RIMS1: variants seen among roughly 807,000 people sequenced by gnomAD.
RIMS1 encodes regulating synaptic membrane exocytosis protein 1.
A neutral mutation model predicts 214.1 loss-of-function variants in RIMS1; 83 were observed. The ratio of observed to expected loss-of-function variants is 0.39; its 90% CI spans 0.32 to 0.47. The LOEUF (loss-of-function observed/expected upper bound fraction) is 0.47, where lower values mean the gene tolerates loss of function less well. RIMS1 is among the 20% of genes least tolerant of loss of function. The pLI, the probability that RIMS1 is intolerant of heterozygous loss-of-function variation, is 0.99. For missense variants in RIMS1, 2,050 were observed against 2,161.8 expected, an observed-to-expected ratio of 0.95 and a Z score of 1.03; for synonymous variants, 793 against 786.8, an observed-to-expected ratio of 1.01 and a Z score of -0.13.
chr6:72,276,285 T>G (rs1271164865), intron 23 of RIMS1, among the ~76,000 whole-genome samples: 1 of 152,176 alleles, frequency 6.6e-6, no homozygotes, highest in East Asian at 1.9e-4. Flanking sequence ...CCAAAACAAA[T>G]AAAATAGTAG....
At chr6:72,357,691 T>A (rs1381366867) in intron 29 of RIMS1, among the ~76,000 whole-genome samples, 1 of 152,212 alleles carries the variant, frequency 6.6e-6, no homozygotes. Flanking sequence ...AACAGTGACT[T>A]TAATCAAATC....
intron 1 of RIMS1, among the ~76,000 whole-genome samples, chr6:71,889,389 G>A (rs936806982): frequency 6.6e-5 from 10 of 152,152 alleles, no homozygotes; most frequent in Admixed American, 2.6e-4. Flanking sequence ...CATCTTTTCC[G>A]CTGCTTTTCC....
chr6:72,341,466 A>T (rs557308412), intron 29 of RIMS1, among the ~76,000 whole-genome samples: 1 of 151,960 alleles, frequency 6.6e-6, no homozygotes, highest in South Asian at 2.1e-4. Context: ...ATGATTTCTA[A>T]TAGAACTTTT....
chr6:72,279,382 C>T (rs1359123294), intron 23 of RIMS1, among the ~76,000 whole-genome samples: 1 of 151,934 alleles, frequency 6.6e-6, no homozygotes, highest in African/African-American at 2.4e-5. Context: ...AAAATAATTG[C>T]TTTTATACCT....
chr6:72,127,927 T>A (rs1005906456), intron 4 of RIMS1, among the ~76,000 whole-genome samples: 3 of 152,102 alleles, frequency 2.0e-5, no homozygotes, highest in African/African-American at 7.2e-5. Flanking sequence ...AAATAACTAA[T>A]CCTCTAGTAA....
intron 2 of RIMS1, among the ~76,000 whole-genome samples, chr6:72,022,951 C>T (rs1157198211): frequency 2.0e-5 from 3 of 152,136 alleles, no homozygotes; most frequent in African/African-American, 7.2e-5. Flanking sequence ...ACATTAAACA[C>T]ACACATCCAG....
chr6:72,000,792 C>A (rs966799088), intron 2 of RIMS1, among the ~76,000 whole-genome samples: 1 of 152,134 alleles, frequency 6.6e-6, no homozygotes, highest in Non-Finnish European at 1.5e-5. Context: ...ATAGTCCTAT[C>A]TTTTATGAAA....
rs2048511941 is a variant in RIMS1 at position 72,182,305 on chromosome 6, C to T, written c.834C>T (p.Ser278=). ...ATAGAAAGAAGACCCCAGGGCTTTC[C>T]GAGCAGAATGGCAAAGGAGCCCTGA... ...PRERKKTPGL[S]EQNGKGALKS... The change falls in exon 6 of 34, where the codon TCC becomes TCT. Residue 278 remains serine (S), a synonymous_variant. Transcript: ENST00000521978. The T allele has an allele frequency of 2.5e-6, 4 of 1,597,868 alleles. No individual in the cohort carries two copies. The highest frequency in any genetic ancestry group is 2.2e-5 in the East Asian group (1 of 44,716).
chr6:72,124,662 G>A lies in RIMS1; in HGVS notation c.471+24676G>A, dbSNP rs146667792. Among the ~76,000 whole-genome samples the A allele has an allele frequency of 1.6e-3, 232 of 147,600 alleles. 4 individuals are homozygous for A. The East Asian group carries it at 0.042, about 27-fold the overall frequency. On this transcript the variant is annotated intron_variant, in intron 4 of 33. Coordinates refer to ENST00000521978, the MANE Select transcript of RIMS1 (RefSeq NM_014989.7). ...TTCCCATAATCCCATATTTCTTGGA[G>A]GCTTTGTTTGTTTCTTTTTACTCTT...
intron 2 of RIMS1, among the ~76,000 whole-genome samples, chr6:71,999,702 A>G (rs1462480079): frequency 1.3e-5 from 2 of 152,176 alleles, no homozygotes; most frequent in South Asian, 4.1e-4. Context: ...CCTCTTTTAA[A>G]TTAAACGATG....
At chr6:72,325,216 G>A (rs1009110064) in intron 28 of RIMS1, among the ~76,000 whole-genome samples, 13 of 151,662 alleles carry the variant, frequency 8.6e-5, no homozygotes, top group African/African-American at 3.1e-4. Context: ...AGAAAAAATA[G>A]GACAAAATCT....
rs923254020 is a variant in RIMS1, at chr6:72,316,781, C to T, written c.4130+3109C>T. On this transcript the variant is annotated intron_variant, in intron 28 of 33. Transcript: ENST00000521978. ...CTCCCTAGTAGGCAGGGCCAGTTGA[C>T]GGTAGACACTGGGGACAGTAGGTGG... 2.4e-5 allele frequency: 17 copies of T among 711,262 alleles called. 1 individual carries two copies. The highest frequency in any genetic ancestry group is 1.5e-4 in the South Asian group (11 of 73,038). The allele number at this position is 711,262 out of a possible 1,614,324, so 44.1% of individuals were successfully genotyped here.
chr6:72,128,744 A>G (rs1165830587), intron 4 of RIMS1, among the ~76,000 whole-genome samples: 6 of 152,236 alleles, frequency 3.9e-5, no homozygotes, highest in Non-Finnish European at 7.3e-5. Context: ...ACAGATTAGT[A>G]TCTTAAATTA....
At chr6:72,078,531 C>T (rs1381263015) in intron 2 of RIMS1, among the ~76,000 whole-genome samples, 1 of 152,122 alleles carries the variant, frequency 6.6e-6, no homozygotes, top group Admixed American at 6.5e-5. Flanking sequence ...GCTGCAGCAG[C>T]CATGCCCAGA....
chr6:72,123,794 C>G (rs1289910367), intron 4 of RIMS1, among the ~76,000 whole-genome samples: 1 of 151,718 alleles, frequency 6.6e-6, no homozygotes, highest in Non-Finnish European at 1.5e-5. Flanking sequence ...AGGATTGCAA[C>G]CCCTGCTTTT....
chr6:72,257,323 A>G (rs2154151639), intron 16 of RIMS1, among the ~76,000 whole-genome samples: 1 of 152,166 alleles, frequency 6.6e-6, no homozygotes, highest in East Asian at 1.9e-4. Flanking sequence ...GTCTTATCTT[A>G]ACTAAATCGC....
At chr6:72,311,257 TC>T (rs1309834006) in intron 27 of RIMS1, among the ~76,000 whole-genome samples, 1 of 152,180 alleles carries the variant, frequency 6.6e-6, no homozygotes, top group Non-Finnish European at 1.5e-5. Context: ...GCACAGTGTT[TC>T]AAAAAACCAA....
rs189663328 is a variant in RIMS1 at position 72,158,750 on chromosome 6, A to T, written c.472-20825A>T. 1.4e-5 allele frequency among the ~76,000 whole-genome samples: 2 copies of T among 139,862 alleles called. 1 individual carries two copies. Among genetic ancestry groups the T allele is most frequent in the East Asian group, 4.0e-4 (2 of 4,940 alleles). The allele number at this position is 139,862 out of a possible 152,430, so 91.8% of individuals were successfully genotyped here. The stretch of plus-strand genomic sequence containing the variant: ...CAAAGGACATGAACTCATCATTTTT[A>T]TGGCTGCATAGTATTCCATGGTGTA... On this transcript the variant is annotated intron_variant, in intron 4 of 33. Coordinates refer to ENST00000521978, the MANE Select transcript of RIMS1 (RefSeq NM_014989.7).
intron 29 of RIMS1, among the ~76,000 whole-genome samples, chr6:72,359,000 C>G (rs1290969002): frequency 6.6e-6 from 1 of 152,148 alleles, no homozygotes; most frequent in East Asian, 1.9e-4. Flanking sequence ...CTTTAATCTC[C>G]TATTTATTGT....
Sources: gnomAD v4.1 joint callset for allele counts (sites outside exome capture counted in the v4.1 genomes callset) on GRCh38, gnomAD v4.1.1 for gene constraint, MANE v1.5 for transcripts, NCBI Gene and HGNC (gene_info 2026-07-23, HGNC 2026-07-21) for gene names.